NAB1: variants seen among roughly 807,000 people sequenced by gnomAD.
The protein encoded by NAB1 is NGFI-A-binding protein 1.
A neutral mutation model predicts 49.9 loss-of-function variants in NAB1; 25 were observed. The observed-to-expected ratio is 0.50, with a 90% CI of 0.37 to 0.70. The LOEUF is 0.70. Ranked by LOEUF, NAB1 falls within the 30% of genes least tolerant of loss-of-function variation. NAB1 has a pLI of 0.00. For synonymous variants in NAB1, 198 were observed against 215.6 expected (o/e 0.92, Z 0.71); for missense variants, 489 against 575.9 (o/e 0.85, Z 1.54).
rs1693819238 is a variant in NAB1, at chr2:190,654,408, C to T, written c.-196-1569C>T. Among the ~76,000 whole-genome samples, 1 of 152,190 alleles carries T rather than the reference C, an allele frequency of 6.6e-6. No individual in the cohort carries two copies. Reference sequence around the variant, plus strand: ...AAAATGTAAGAGAGACAAAGTGTTGCGGGGTTCAGAGAAGGGAGATGACAG... The same window carrying T: ...AAAATGTAAGAGAGACAAAGTGTTGTGGGGTTCAGAGAAGGGAGATGACAG... On this transcript the variant is annotated intron_variant, in intron 2 of 9. Coordinates refer to ENST00000337386, the MANE Select transcript of NAB1 (RefSeq NM_005966.4). The surrounding 1 kb of genome is among the most constrained non-coding windows in gnomAD (Gnocchi z 5.6).
Position 190,685,643 on chromosome 2 carries a change from A to T in NAB1, c.1258+5A>T. 6.3e-7 allele frequency: 1 copy of T among 1,596,302 alleles called. No individual in the cohort carries two copies. The highest frequency in any genetic ancestry group is 8.5e-7 in the Non-Finnish European group (1 of 1,171,722). The stretch of plus-strand genomic sequence containing the variant: ...CCGATAACTCAGATGGACAAGGTAC[A>T]TCTTTAGAATATCCTATGCCTTTAG... On this transcript the variant is annotated splice_donor_5th_base_variant and intron_variant, in intron 8 of 9. Coordinates refer to ENST00000337386, the MANE Select transcript of NAB1 (RefSeq NM_005966.4). The surrounding 1 kb of genome is among the most constrained non-coding windows in gnomAD (Gnocchi z 4.5).
In NAB1 at chr2:190,659,517, A is replaced by G; in HGVS notation, c.341A>G (p.Tyr114Cys). ...TGGCTGGGAATATCCTGCAGTAGTT[A>G]TGAAAGGAGTAGCAATGCCCGGGAA... ...PTWLGISCSS[Y>C]ERSSNAREPH... The change falls in exon 4 of 10, where the codon TAT becomes TGT. Residue 114 changes from tyrosine to cysteine, a missense_variant. Coordinates refer to ENST00000337386, the MANE Select transcript of NAB1 (RefSeq NM_005966.4). The surrounding 1 kb of genome is among the most constrained non-coding windows in gnomAD (Gnocchi z 6.2). The G allele has an allele frequency of 6.2e-7, 1 of 1,614,206 alleles. No individual in the cohort carries two copies. The highest frequency in any genetic ancestry group is 8.5e-7 in the Non-Finnish European group (1 of 1,180,036).
rs13010534 is a variant in NAB1 at position 190,654,551 on chromosome 2, A to G, written c.-196-1426A>G. Among the ~76,000 whole-genome samples the G allele has an allele frequency of 0.25, 37,331 of 152,032 alleles. 5,628 individuals are homozygous for G. Among genetic ancestry groups the G allele is most frequent in the South Asian group, 0.39 (1,864 of 4,814 alleles). On this transcript the variant is annotated intron_variant, in intron 2 of 9. Transcript: ENST00000337386. This position sits in a 1 kb window ranked among gnomAD's most constrained non-coding sequence, Gnocchi z 5.6. The stretch of plus-strand genomic sequence containing the variant: ...GGCATATTTGAGGAATGCCTAGTGT[A>G]TCTGCTTGGCACAAGTATATGGGCA...
intron 4 of NAB1, among the ~76,000 whole-genome samples, chr2:190,664,909 AT>A (rs896677472): frequency 6.6e-6 from 1 of 151,608 alleles, no homozygotes; most frequent in East Asian, 1.9e-4. Context: ...AATATTTTGG[AT>A]TTTTTTCCAT....
rs2125807623 is a variant in NAB1 at position 190,679,125 on chromosome 2, A to G, written c.1006-4613A>G. Among the ~76,000 whole-genome samples the G allele has an allele frequency of 6.6e-6, 1 of 152,362 alleles. No individual in the cohort carries two copies. The highest frequency in any genetic ancestry group is 1.5e-5 in the Non-Finnish European group (1 of 68,034). ...AATATGACATGGAGATAGATTGCTC[A>G]TAGTATGGTGCAGCTAGCTGGTGCC... On this transcript the variant is annotated intron_variant, in intron 6 of 9. Transcript: ENST00000337386. The surrounding 1 kb of genome is among the most constrained non-coding windows in gnomAD (Gnocchi z 5.3).
In NAB1 at chr2:190,678,396, G is replaced by A. The variant is rs1267700211; in HGVS notation, c.1005+5244G>A. 2.0e-5 allele frequency among the ~76,000 whole-genome samples: 3 copies of A among 152,158 alleles called. No homozygotes were observed. The highest frequency in any genetic ancestry group is 7.2e-5 in the African/African-American group (3 of 41,438). Reference sequence around the variant, plus strand: ...TTATAAGTAACATCTTAGAAGGGAGGAAGGATATATAAAGCTACAGTCTCA... The same window carrying A: ...TTATAAGTAACATCTTAGAAGGGAGAAAGGATATATAAAGCTACAGTCTCA... On this transcript the variant is annotated intron_variant, in intron 6 of 9. Transcript: ENST00000337386. This position sits in a 1 kb window ranked among gnomAD's most constrained non-coding sequence, Gnocchi z 4.9.
rs191474081 is a variant in NAB1 at position 190,671,647 on chromosome 2, A to C, written c.953+1188A>C. On this transcript the variant is annotated intron_variant, in intron 5 of 9. Transcript: ENST00000337386. ...AGTTCAAGAAGTTGTATAACATGTA[A>C]GGCTAACAATGAAACTCAACGGTTC... Among the ~76,000 whole-genome samples the C allele has an allele frequency of 2.3e-3, 353 of 152,230 alleles. 4 individuals carry two copies. Among genetic ancestry groups the C allele is most frequent in the East Asian group, 1.2e-3 (6 of 5,194 alleles).
Position 190,657,136 on chromosome 2 carries a change from T to C in NAB1, c.-20+983T>C, listed in dbSNP as rs904501880. 2.0e-5 allele frequency among the ~76,000 whole-genome samples: 3 copies of C among 152,214 alleles called. No individual in the cohort carries two copies. The highest frequency in any genetic ancestry group is 2.0e-4 in the Admixed American group (3 of 15,284). On this transcript the variant is annotated intron_variant, in intron 3 of 9. Coordinates refer to ENST00000337386, the MANE Select transcript of NAB1 (RefSeq NM_005966.4). The surrounding 1 kb of genome is among the most constrained non-coding windows in gnomAD (Gnocchi z 4.4). ...GTCCTTTCTTCCACCTCCAACACTT[T>C]ATAGCAGCCCTTCTATTTGGTATAG...
At position 190,659,465 on chromosome 2, in the gene NAB1, T is replaced by A; in HGVS notation, c.289T>A (p.Tyr97Asn). The A allele has an allele frequency of 1.2e-6, 2 of 1,614,200 alleles. No individual in the cohort carries two copies. The highest frequency in any genetic ancestry group is 1.7e-6 in the Non-Finnish European group (2 of 1,180,034). ...TSLPVSSIPI[Y>N]KLPEGSPTWL... is the part of the protein sequence containing the mutation. Reference sequence around the variant, plus strand: ...CCTTCCTGTCAGTAGCATACCCATCTATAAATTACCAGAGGGATCACCAAC... The same window carrying A: ...CCTTCCTGTCAGTAGCATACCCATCAATAAATTACCAGAGGGATCACCAAC... The change falls in exon 4 of 10, where the codon TAT (tyrosine) becomes AAT (asparagine). Residue 97 changes from tyrosine (Y) to asparagine (N), a missense_variant. Physicochemically the swap from Tyr to Asn is moderately radical, Grantham distance 143 (BLOSUM62 -2). Transcript: ENST00000337386. This position sits in a 1 kb window ranked among gnomAD's most constrained non-coding sequence, Gnocchi z 6.2.
In NAB1 at chr2:190,670,479, T is replaced by C; in HGVS notation, c.953+20T>C. On this transcript the variant is annotated intron_variant, in intron 5 of 9. Coordinates refer to ENST00000337386, the MANE Select transcript of NAB1 (RefSeq NM_005966.4). The surrounding 1 kb of genome is among the most constrained non-coding windows in gnomAD (Gnocchi z 5.3). ...CACCAAGTAAGTATTTAACTAATCG[T>C]CATTATTTTTGCATTGCTTGAGAGA... The C allele has an allele frequency of 3.1e-6, 5 of 1,611,182 alleles. 1 individual carries two copies. In the Middle Eastern group the frequency reaches 8.3e-4, roughly 266 times the overall value.
Position 190,685,634 on chromosome 2 carries a change from A to T in NAB1, c.1254A>T (p.Gly418=). 1 of 1,605,760 alleles carries T rather than the reference A, an allele frequency of 6.2e-7. No homozygotes were observed. The highest frequency in any genetic ancestry group is 1.1e-5 in the South Asian group (1 of 89,628). ...GCTTGACTTCCGATAACTCAGATGG[A>T]CAAGGTACATCTTTAGAATATCCTA... ...PNGLTSDNSD[G]QGERPLNLRM... The change falls in exon 8 of 10, where the codon GGA becomes GGT. Residue 418 remains glycine, a synonymous_variant. Coordinates refer to ENST00000337386, the MANE Select transcript of NAB1 (RefSeq NM_005966.4). This position sits in a 1 kb window ranked among gnomAD's most constrained non-coding sequence, Gnocchi z 4.5.
In NAB1 at chr2:190,685,304, CATG is replaced by C. The variant is rs1417381837; in HGVS notation, c.1096-166_1096-164del. On this transcript the variant is annotated intron_variant, in intron 7 of 9. Transcript: ENST00000337386. This position sits in a 1 kb window ranked among gnomAD's most constrained non-coding sequence, Gnocchi z 4.5. Reference sequence around the variant, plus strand: ...CAATATCCAGCCTTTTATGTTTTAACATGATGATATAGACATCTATGCATATTT... The same window carrying C: ...CAATATCCAGCCTTTTATGTTTTAACATGATATAGACATCTATGCATATTT... 3.9e-5 allele frequency among the ~76,000 whole-genome samples: 6 copies of C among 152,332 alleles called. No homozygotes were observed. The highest frequency in any genetic ancestry group is 3.8e-4 in the East Asian group (2 of 5,196).
Position 190,679,298 on chromosome 2 carries a change from A to C in NAB1, c.1006-4440A>C, listed in dbSNP as rs755349556. 6.6e-6 allele frequency among the ~76,000 whole-genome samples: 1 copy of C among 152,190 alleles called. No individual in the cohort carries two copies. Among genetic ancestry groups the C allele is most frequent in the Non-Finnish European group, 1.5e-5 (1 of 68,028 alleles). On this transcript the variant is annotated intron_variant, in intron 6 of 9. Coordinates refer to ENST00000337386, the MANE Select transcript of NAB1 (RefSeq NM_005966.4). This position sits in a 1 kb window ranked among gnomAD's most constrained non-coding sequence, Gnocchi z 5.3. ...CTTTATGTGACATGCAGTGATAGCT[A>C]CTCGATTTTGTAGTTTTTCCATCCA...
Position 190,677,753 on chromosome 2 carries a change from ACC to A in NAB1, c.1005+4602_1005+4603del, listed in dbSNP as rs1695143123. On this transcript the variant is annotated intron_variant, in intron 6 of 9. Coordinates refer to ENST00000337386, the MANE Select transcript of NAB1 (RefSeq NM_005966.4). The surrounding 1 kb of genome is among the most constrained non-coding windows in gnomAD (Gnocchi z 5.6). ...AGACCCAGACAGGCTCAGTATCTTC[ACC>A]TGTGTTGCCAAACTGCTATCCAGTA... 6.6e-6 allele frequency among the ~76,000 whole-genome samples: 1 copy of A among 152,134 alleles called. No individual in the cohort carries two copies. The highest frequency in any genetic ancestry group is 1.5e-5 in the Non-Finnish European group (1 of 68,024).
chr2:190,669,167 G>C lies in NAB1; in HGVS notation c.820-1159G>C, dbSNP rs1694676095. ...GATGATTCATCACTTGGATGAGACA[G>C]AGTGAGATGGCACACAGTTTAAAAC... On this transcript the variant is annotated intron_variant, in intron 4 of 9. Transcript: ENST00000337386. This position sits in a 1 kb window ranked among gnomAD's most constrained non-coding sequence, Gnocchi z 4.3. 6.6e-6 allele frequency among the ~76,000 whole-genome samples: 1 copy of C among 152,220 alleles called. No individual in the cohort carries two copies. Among genetic ancestry groups the C allele is most frequent in the Non-Finnish European group, 1.5e-5 (1 of 68,046 alleles).
In NAB1 at chr2:190,649,760, G is replaced by C. The variant is rs375869455; in HGVS notation, c.-333-86G>C. On this transcript the variant is annotated intron_variant, in intron 1 of 9. Coordinates refer to ENST00000337386, the MANE Select transcript of NAB1 (RefSeq NM_005966.4). This position sits in a 1 kb window ranked among gnomAD's most constrained non-coding sequence, Gnocchi z 6.1. ...CTTCGTCAGGGCAGTCTTTTTGTTT[G>C]TTTACTTTATAAAAGTGCTGCACTT... 2 of 152,312 alleles carry C rather than the reference G, an allele frequency of 1.3e-5. No homozygotes were observed. Among genetic ancestry groups the C allele is most frequent in the East Asian group, 3.9e-4 (2 of 5,184 alleles). The allele number at this position is 152,312 out of a possible 1,614,324, so 9.4% of individuals were successfully genotyped here. A position where few individuals can be genotyped will look rare whatever the true frequency, so the allele number is the denominator to read the frequency against.
chr2:190,672,770 G>A (rs1694878679), intron 5 of NAB1, among the ~76,000 whole-genome samples: 1 of 151,846 alleles, frequency 6.6e-6, no homozygotes. Context: ...GAGCCTAGGA[G>A]TTTGTGGCTA....
rs1346814907 is a variant in NAB1, at chr2:190,684,225, T to C, written c.1095+398T>C. On this transcript the variant is annotated intron_variant, in intron 7 of 9. Coordinates refer to ENST00000337386, the MANE Select transcript of NAB1 (RefSeq NM_005966.4). The surrounding 1 kb of genome is among the most constrained non-coding windows in gnomAD (Gnocchi z 4.6). ...AACATTGTAATTATTGTTAAATCTT[T>C]TAAATTCATATTTATTGAAAAACTA... 6.6e-6 allele frequency among the ~76,000 whole-genome samples: 1 copy of C among 152,236 alleles called. No homozygotes were observed. The highest frequency in any genetic ancestry group is 2.4e-5 in the African/African-American group (1 of 41,466).
Position 190,685,645 on chromosome 2 carries a change from C to G in NAB1, c.1258+7C>G. 6.3e-7 allele frequency: 1 copy of G among 1,595,320 alleles called. No homozygotes were observed. The highest frequency in any genetic ancestry group is 8.5e-7 in the Non-Finnish European group (1 of 1,171,284). ...GATAACTCAGATGGACAAGGTACAT[C>G]TTTAGAATATCCTATGCCTTTAGGG... is the stretch of plus-strand genomic sequence containing the variant. On this transcript the variant is annotated splice_region_variant and intron_variant, in intron 8 of 9. Coordinates refer to ENST00000337386, the MANE Select transcript of NAB1 (RefSeq NM_005966.4). This position sits in a 1 kb window ranked among gnomAD's most constrained non-coding sequence, Gnocchi z 4.5.
Sources: gnomAD v4.1 joint callset for allele counts (sites outside exome capture counted in the v4.1 genomes callset) on GRCh38, gnomAD v4.1.1 for gene constraint, Gnocchi (gnomAD v3.1) non-coding constraint, MANE v1.5 for transcripts, NCBI Gene and HGNC (gene_info 2026-07-23, HGNC 2026-07-21) for gene names.